Variants in ATRX observed in about 807,000 individuals in gnomAD.
ATRX encodes chromatin remodeler ATRX.
A neutral mutation model predicts 172.6 loss-of-function variants in ATRX; 12 were observed. The observed-to-expected ratio is 0.07, with a 90% CI of 0.04 to 0.11. The LOEUF (loss-of-function observed/expected upper bound fraction) is 0.11. Among genes scored for constraint, ATRX ranks in the 10% least tolerant of loss-of-function variants. The pLI is 1.00. For synonymous variants in ATRX, 674 were observed against 594.7 expected (o/e 1.13, Z -1.94); for missense variants, 1,368 against 1,767.4 (o/e 0.77, Z 4.05).
intron 1 of ATRX, among the ~76,000 whole-genome samples, chrX:77,723,727 A>G (rs1337775574): frequency 9.0e-6 from 1 of 111,624 alleles, no homozygotes; most frequent in Admixed American, 9.6e-5. Context: ...CCTGAGAACC[A>G]AAAGTCAAAA....
chrX:77,629,965 T>TGC (rs782728201), intron 19 of ATRX, among the ~76,000 whole-genome samples: 9 of 112,267 alleles, frequency 8.0e-5, no homozygotes, highest in Non-Finnish European at 1.3e-4. Context: ...ATCGCGTGCG[T>TGC]GCGCGCGCAC....
intron 2 of ATRX, among the ~76,000 whole-genome samples, chrX:77,705,499 C>T (rs782176005): frequency 8.9e-6 from 1 of 112,263 alleles, no homozygotes; most frequent in Non-Finnish European, 1.9e-5. Flanking sequence ...CACCAATACT[C>T]CACAAACTAA....
Position 77,681,779 on chromosome X carries a change from C to G in ATRX, c.3477G>C (p.Glu1159Asp), listed in dbSNP as rs915523218. The change falls in exon 9 of 35, where the codon GAG becomes GAC. Residue 1159 changes from glutamate to aspartate, a missense_variant. By Grantham distance (45) the Glu-to-Asp change is conservative. This residue lies in a region of ATRX where 843 missense variants were observed against 643.1 expected (regional missense o/e 1.31). Transcript: ENST00000373344. ...TCTTTTTATTATCTTCAGAACTTTCCTCAGCATCAGATGATGATGAGCCAC... is the reference window on the plus strand; with the variant it reads ...TCTTTTTATTATCTTCAGAACTTTCGTCAGCATCAGATGATGATGAGCCAC... ...IQSGSSSSDA[E>D]ESSEDNKKKK... is the part of the protein sequence containing the mutation. 3.3e-6 allele frequency: 4 copies of G among 1,196,491 alleles called. No individual in the cohort carries two copies. The African/African-American group carries it at 7.1e-5, about 21-fold the overall frequency.
chrX:77,751,046 G>A (rs1474266517), intron 1 of ATRX, among the ~76,000 whole-genome samples: 1 of 112,012 alleles, frequency 8.9e-6, no homozygotes, highest in African/African-American at 3.2e-5. Flanking sequence ...TATATACCCA[G>A]TAATGGGATT....
At chrX:77,589,974 G>A (rs2148091817) in intron 26 of ATRX, 34 bp from the exon 27 acceptor site, 1 of 1,075,738 alleles carries the variant, frequency 9.3e-7, no homozygotes. Context: ...TGGATTAGAA[G>A]ATTCCTAGTA....
At position 77,650,589 on chromosome X, in the gene ATRX, AT is replaced by A. The variant is rs1168913560; in HGVS notation, c.4557+1524del. On this transcript the variant is annotated intron_variant, in intron 15 of 34. Coordinates refer to ENST00000373344, the MANE Select transcript of ATRX (RefSeq NM_000489.6). ...GTTAAGACCCTGATTCAAACCAACT[AT>A]TTTTTTTTTTTGAGACAGAGTTTTG... Among the ~76,000 whole-genome samples, 282 of 104,622 alleles carry A rather than the reference AT, an allele frequency of 2.7e-3. 3 individuals are homozygous for A. The highest frequency in any genetic ancestry group is 7.9e-3 in the African/African-American group (229 of 29,047). The allele number at this position is 104,622 out of a possible 115,157, so 90.9% of individuals were successfully genotyped here. A position where few individuals can be genotyped will look rare whatever the true frequency, so the allele number is the denominator to read the frequency against.
chrX:77,627,904 A>G (rs1422309966), intron 19 of ATRX, among the ~76,000 whole-genome samples: 2 of 110,954 alleles, frequency 1.8e-5, no homozygotes, highest in African/African-American at 6.6e-5. Flanking sequence ...CTTACATAAA[A>G]TGAAATGTTT....
chrX:77,702,053 G>A (rs1482310424), intron 2 of ATRX, among the ~76,000 whole-genome samples: 5 of 110,869 alleles, frequency 4.5e-5, no homozygotes, highest in Non-Finnish European at 5.7e-5. Context: ...TCAACAAAGC[G>A]AGACTCTGTC....
In ATRX at chrX:77,698,596, A is replaced by G. The variant is rs782553856; in HGVS notation, c.167T>C (p.Met56Thr). ...KISGSGSNSD[M>T]MENSKEEGTS... ...TACCTCTTCCTTGCTGTTTTCCATC[A>G]TATCAGAGTTACTTCCAGAACCACT... The change falls in exon 3 of 35, where the codon ATG (methionine) becomes ACG (threonine). Residue 56 changes from methionine to threonine, a missense_variant. Around this residue, in one of 17 missense-constraint regions of ATRX, gnomAD observed 84 missense variants for 82.8 expected, o/e 1.01. Transcript: ENST00000373344. 9 of 1,207,037 alleles carry G rather than the reference A, an allele frequency of 7.5e-6. No individual in the cohort carries two copies. Among genetic ancestry groups the G allele is most frequent in the Non-Finnish European group, 1.0e-5 (9 of 891,375 alleles).
intron 7 of ATRX, among the ~76,000 whole-genome samples, chrX:77,686,212 C>CT (rs1373775286): frequency 8.9e-6 from 1 of 112,145 alleles, no homozygotes; most frequent in Non-Finnish European, 1.9e-5. Flanking sequence ...AATTAGATTG[C>CT]TTGTAACTCA....
intron 27 of ATRX, among the ~76,000 whole-genome samples, chrX:77,587,262 G>A (rs1326034955): frequency 5.4e-5 from 6 of 110,150 alleles, no homozygotes; most frequent in African/African-American, 2.0e-4. Context: ...CATATAAAAA[G>A]AATTATACAC....
chrX:77,521,005 G>A, intron 33 of ATRX, 89 bp from the exon 34 acceptor site: 1 of 953,610 alleles, frequency 1.0e-6, no homozygotes, highest in Non-Finnish European at 1.5e-6. Context: ...GATTTCCCAA[G>A]GTTTCAAACC....
intron 26 of ATRX, among the ~76,000 whole-genome samples, chrX:77,590,226 T>C (rs781954470): frequency 4.5e-5 from 5 of 111,178 alleles, no homozygotes; most frequent in African/African-American, 1.3e-4. Flanking sequence ...CACAGATCAA[T>C]AGAACAGAAT....
At chrX:77,696,404 C>T (rs189314801) in intron 5 of ATRX, among the ~76,000 whole-genome samples, 173 bp downstream of exon 5, 6 of 112,157 alleles carry the variant, frequency 5.3e-5, no homozygotes, top group Admixed American at 4.7e-4. Flanking sequence ...AAATTTTTAA[C>T]TTCAATAACA....
rs2148611711 is a variant in ATRX at position 77,683,338 on chromosome X, C to T, written c.1918G>A (p.Val640Ile). Residue 640 changes from valine (V) to isoleucine (I), a missense_variant, in exon 9 of 35, where the codon GTT becomes ATT. Val to Ile is a conservative substitution (Grantham distance 29). This residue lies in a region of ATRX where 843 missense variants were observed against 643.1 expected (regional missense o/e 1.31). Transcript: ENST00000373344. ...AAAAGTAATGAAACTTCATTTTCAA[C>T]CAAATGCTCATTATCACTGTTTTCC... is the stretch of plus-strand genomic sequence containing the variant. ...GQENSDNEHLVENEVSLLLEE... is the reference protein window; with the variant it reads ...GQENSDNEHLIENEVSLLLEE... 1 of 1,211,223 alleles carries T rather than the reference C, an allele frequency of 8.3e-7. No homozygotes were observed. The highest frequency in any genetic ancestry group is 3.0e-5 in the East Asian group (1 of 33,810).
At position 77,636,904 on chromosome X, in the gene ATRX, AGAAGAAG is replaced by A. The variant is rs1261197119; in HGVS notation, c.4558-855_4558-849del. Among the ~76,000 whole-genome samples the A allele has an allele frequency of 9.4e-4, 97 of 102,869 alleles. 1 individual carries two copies. The highest frequency in any genetic ancestry group is 2.4e-3 in the South Asian group (5 of 2,059). The allele number at this position is 102,869 out of a possible 115,157, so 89.3% of individuals were successfully genotyped here. A position where few individuals can be genotyped will look rare whatever the true frequency, so the allele number is the denominator to read the frequency against. ...GGAGGAGGAAGAAGAAGAAAGAAGA[AGAAGAAG>A]GAAGAAGGAAGAAGGAAGGAGGAAG... On this transcript the variant is annotated intron_variant, in intron 15 of 34. Transcript: ENST00000373344.
chrX:77,645,957 G>C, intron 15 of ATRX, among the ~76,000 whole-genome samples: 1 of 110,761 alleles, frequency 9.0e-6, no homozygotes, highest in Non-Finnish European at 1.9e-5. Flanking sequence ...AGAAAATATA[G>C]AATATACAAA....
chrX:77,620,404 G>A lies in ATRX; in HGVS notation c.5263C>T (p.Leu1755=), dbSNP rs782275081. 1 of 1,207,482 alleles carries A rather than the reference G, an allele frequency of 8.3e-7. No homozygotes were observed. The highest frequency in any genetic ancestry group is 1.1e-6 in the Non-Finnish European group (1 of 892,264). The change falls in exon 20 of 35, where the codon CTA becomes TTA. Residue 1755 remains leucine, a synonymous_variant. Coordinates refer to ENST00000373344, the MANE Select transcript of ATRX (RefSeq NM_000489.6). ...ILTGTPLQNN[L]IEYHCMVNFI... ...AGAGATATTAACTCACACTCAATTA[G>A]GTTATTTTGAAGTGGTGTTCCTGTT...
chrX:77,633,465 A>T, intron 18 of ATRX, 81 bp from the exon 19 acceptor site: 1 of 1,117,792 alleles, frequency 8.9e-7, no homozygotes, highest in Non-Finnish European at 1.2e-6. Context: ...AATATGCATC[A>T]CTGGTTAAAA....
Sources: gnomAD v4.1 joint callset for allele counts (sites outside exome capture counted in the v4.1 genomes callset) on GRCh38, gnomAD v4.1.1 for gene constraint, gnomAD v4.1.1 regional missense constraint, MANE v1.5 for transcripts, NCBI Gene and HGNC (gene_info 2026-07-23, HGNC 2026-07-21) for gene names.